FAM91A1: variants seen among roughly 807,000 people sequenced by gnomAD.
FAM91A1 encodes the protein family with sequence similarity 91 member A1, also known as protein FAM91A1.
Under a neutral mutation model 113.5 loss-of-function variants are expected in FAM91A1, and 41 were observed. The observed-to-expected ratio is 0.36, with a 90% CI of 0.28 to 0.47. The LOEUF is 0.47. FAM91A1 is among the 20% of genes least tolerant of loss of function. FAM91A1 has a pLI of 1.00. For synonymous variants in FAM91A1, 307 were observed against 347.9 expected (o/e 0.88, Z 1.31); for missense variants, 696 against 1,001.2 (o/e 0.70, Z 4.11).
intron 15 of FAM91A1, among the ~76,000 whole-genome samples, chr8:123,791,290 T>C (rs1000364050): frequency 2.8e-5 from 4 of 142,580 alleles, no homozygotes; most frequent in Admixed American, 2.2e-4. Context: ...TCTGTGTCTG[T>C]TGATTTTTTT....
At chr8:123,780,643 A>C in intron 8 of FAM91A1, 101 bp downstream of exon 8, 1 of 908,516 alleles carries the variant, frequency 1.1e-6, no homozygotes, top group South Asian at 1.8e-5. Context: ...GGATATTTCA[A>C]GAAAAATATT....
chr8:123,778,568 A>G, intron 5 of FAM91A1, 91 bp from the exon 6 acceptor site: 1 of 797,562 alleles, frequency 1.3e-6, no homozygotes, highest in Admixed American at 2.2e-5. Context: ...ATATTTATTT[A>G]GTCCATTAGA....
intron 22 of FAM91A1, among the ~76,000 whole-genome samples, chr8:123,809,760 T>G (rs1345110428): frequency 6.6e-6 from 1 of 152,208 alleles, no homozygotes; most frequent in African/African-American, 2.4e-5. Flanking sequence ...AATTTCAACA[T>G]CTATTCTCTA....
chr8:123,775,372 C>A, intron 3 of FAM91A1, 74 bp downstream of exon 3: 1 of 1,532,476 alleles, frequency 6.5e-7, no homozygotes, highest in Non-Finnish European at 8.9e-7. Flanking sequence ...CAGATGTTCA[C>A]CAGCTCTTCA....
At chr8:123,778,165 A>G in intron 5 of FAM91A1, 73 bp downstream of exon 5, 1 of 1,130,920 alleles carries the variant, frequency 8.8e-7, no homozygotes, top group Non-Finnish European at 1.3e-6. Flanking sequence ...AGTGGTAGAA[A>G]TAATGAATTG....
intron 1 of FAM91A1, 62 bp from the exon 2 acceptor site, chr8:123,774,018 G>GA (rs1814920538): frequency 1.2e-5 from 16 of 1,348,978 alleles, no homozygotes; most frequent in Non-Finnish European, 1.6e-5. Flanking sequence ...TGTGTTATGG[G>GA]AAAAAATAGT....
intron 18 of FAM91A1, among the ~76,000 whole-genome samples, chr8:123,800,264 GTA>G (rs146624491): frequency 0.24 from 35,725 of 149,486 alleles, 4,891 homozygotes; most frequent in African/African-American, 0.36. Flanking sequence ...TTTCCTATAT[GTA>G]TATATATATA....
intron 15 of FAM91A1, among the ~76,000 whole-genome samples, chr8:123,791,750 A>C (rs567096586): frequency 1.3e-5 from 2 of 152,312 alleles, no homozygotes; most frequent in Non-Finnish European, 1.5e-5. Context: ...TACCGTTCTC[A>C]ATGCATGAAA....
chr8:123,776,625 G>T (rs540243346), intron 3 of FAM91A1, among the ~76,000 whole-genome samples: 1 of 152,298 alleles, frequency 6.6e-6, no homozygotes, highest in African/African-American at 2.4e-5. Flanking sequence ...AAAATAGGTG[G>T]AGTTTTTGTT....
At chr8:123,808,082 T>G (rs772744644) in intron 20 of FAM91A1, among the ~76,000 whole-genome samples, 190 bp from the exon 21 acceptor site, 2 of 152,206 alleles carry the variant, frequency 1.3e-5, no homozygotes, top group East Asian at 3.8e-4. Context: ...AGCATCCCTG[T>G]CTTCATTCGT....
intron 1 of FAM91A1, among the ~76,000 whole-genome samples, chr8:123,773,038 T>G (rs1266766020): frequency 6.6e-6 from 1 of 152,150 alleles, no homozygotes; most frequent in Non-Finnish European, 1.5e-5. Context: ...CCAGTGTAAG[T>G]GGACCTATGC....
chr8:123,789,274 G>A (rs1350243995), intron 14 of FAM91A1, among the ~76,000 whole-genome samples: 1 of 152,198 alleles, frequency 6.6e-6, no homozygotes. Flanking sequence ...TAAAACTGGT[G>A]ACCTTGGAGT....
chr8:123,799,916 TTTA>T (rs1563646541), intron 18 of FAM91A1, 31 bp downstream of exon 18: 5 of 1,528,952 alleles, frequency 3.3e-6, no homozygotes, highest in Non-Finnish European at 4.4e-6. Flanking sequence ...ATTTTGTCTT[TTTA>T]TTATAAAGTT....
At chr8:123,806,310 C>T in intron 20 of FAM91A1, 81 bp downstream of exon 20, 1 of 1,376,978 alleles carries the variant, frequency 7.3e-7, no homozygotes, top group Non-Finnish European at 9.7e-7. Context: ...AAGCAGCAGA[C>T]CTTTGTGGGG....
In FAM91A1 at chr8:123,786,007, T is replaced by TG. The variant is rs555800955; in HGVS notation, c.962+270dup. 1.5e-4 allele frequency: 66 copies of TG among 434,948 alleles called. 1 individual carries two copies. The highest frequency in any genetic ancestry group is 1.2e-3 in the African/African-American group (60 of 48,112). The allele number at this position is 434,948 out of a possible 1,614,324, so 26.9% of individuals were successfully genotyped here. A position where few individuals can be genotyped will look rare whatever the true frequency, so the allele number is the denominator to read the frequency against. On this transcript the variant is annotated intron_variant, in intron 11 of 23. Coordinates refer to ENST00000334705, the MANE Select transcript of FAM91A1 (RefSeq NM_144963.4). The stretch of plus-strand genomic sequence containing the variant: ...TAATTTTTTGTGTTTCTGTTAGAGG[T>TG]GGGGTTTCACCATGTTAGCCAGGCT...
At chr8:123,797,124 C>A (rs937604105) in intron 15 of FAM91A1, among the ~76,000 whole-genome samples, 1 of 151,922 alleles carries the variant, frequency 6.6e-6, no homozygotes, top group African/African-American at 2.4e-5. Context: ...TAGATAGACA[C>A]CTTGATGGAG....
chr8:123,802,613 A>G (rs763367097), intron 18 of FAM91A1, among the ~76,000 whole-genome samples: 1 of 152,218 alleles, frequency 6.6e-6, no homozygotes, highest in African/African-American at 2.4e-5. Flanking sequence ...ATGAGAGGTT[A>G]GACAAGAGTG....
intron 20 of FAM91A1, among the ~76,000 whole-genome samples, chr8:123,807,521 T>A (rs535212404): frequency 2.3e-4 from 34 of 150,786 alleles, no homozygotes; most frequent in Non-Finnish European, 4.3e-4. Flanking sequence ...AAAGACAATG[T>A]TGTTCCAAGG....
intron 15 of FAM91A1, among the ~76,000 whole-genome samples, chr8:123,793,245 C>A (rs188223728): frequency 1.3e-5 from 2 of 152,122 alleles, no homozygotes; most frequent in Admixed American, 1.3e-4. Context: ...TTTTTTCTCT[C>A]ACAACTGATA....
Sources: gnomAD v4.1 joint callset for allele counts (sites outside exome capture counted in the v4.1 genomes callset) on GRCh38, gnomAD v4.1.1 for gene constraint, MANE v1.5 for transcripts, NCBI Gene and HGNC (gene_info 2026-07-23, HGNC 2026-07-21) for gene names.